The following LMO3 variants were observed in gnomAD, a reference collection of about 807,000 sequenced individuals.
LMO3 encodes LIM domain only 3, also known as LIM domain only protein 3.
LMO3 carries 2 observed loss-of-function variants against 15.8 expected under a neutral mutation model. The observed-to-expected ratio is 0.13, with a 90% CI of 0.05 to 0.40. LMO3 has a LOEUF of 0.40. Among genes scored for constraint, LMO3 ranks in the 10% least tolerant of loss-of-function variants. The probability of loss-of-function intolerance (pLI) is 0.99; values close to 1 mark genes in which losing one functional copy is unlikely to be tolerated. For synonymous variants in LMO3, 62 were observed against 63.8 expected (o/e 0.97, Z 0.13); for missense variants, 86 against 182.2 (o/e 0.47, Z 3.04).
At chr12:16,605,581 T>G (rs1039436399) in intron 1 of LMO3, 1 of 654,222 alleles carries the variant, frequency 1.5e-6, no homozygotes, top group Non-Finnish European at 2.5e-6. Flanking sequence ...GAAGTGGGGG[T>G]TCATGAATTC....
chr12:16,594,323 A>G, intron 2 of LMO3: 1 of 1,396,058 alleles, frequency 7.2e-7, no homozygotes, highest in Non-Finnish European at 9.4e-7. Flanking sequence ...CAATTTTTAT[A>G]AGCCAATTAA....
rs371290090 is a variant in LMO3 at position 16,564,369 on chromosome 12, T to G, written c.207-3831A>C. On this transcript the variant is annotated intron_variant, in intron 2 of 3. Transcript: ENST00000537304. ...GTGCCAGAACATTTTGCATTTTTAC[T>G]AAATGTTCAACAGCTTCGGCAACAT... Among the ~76,000 whole-genome samples the G allele has an allele frequency of 2.8e-4, 42 of 152,334 alleles. No homozygotes were observed. In the East Asian group the frequency reaches 7.3e-3, roughly 27 times the overall value.
chr12:16,595,127 C>T (rs1476523193), intron 2 of LMO3, among the ~76,000 whole-genome samples: 1 of 151,180 alleles, frequency 6.6e-6, no homozygotes, highest in African/African-American at 2.4e-5. Flanking sequence ...TAAAAACTAT[C>T]CTGACTGAAG....
intron 2 of LMO3, among the ~76,000 whole-genome samples, chr12:16,562,970 G>C (rs1057449675): frequency 6.6e-6 from 1 of 152,134 alleles, no homozygotes; most frequent in Admixed American, 6.5e-5. Context: ...ATCATTAAAG[G>C]ACTCTTGAAG....
chr12:16,580,364 C>A (rs1313927884), intron 2 of LMO3, among the ~76,000 whole-genome samples: 3 of 152,140 alleles, frequency 2.0e-5, no homozygotes, highest in Non-Finnish European at 4.4e-5. Flanking sequence ...ATGCAACCAA[C>A]CAAATGAAGT....
chr12:16,578,979 C>T (rs1462414463), intron 2 of LMO3, among the ~76,000 whole-genome samples: 2 of 152,090 alleles, frequency 1.3e-5, no homozygotes, highest in Non-Finnish European at 2.9e-5. Flanking sequence ...AAGTATATTG[C>T]ATTGTTAAGG....
At position 16,591,546 on chromosome 12, in the gene LMO3, T is replaced by G. The variant is rs77233488; in HGVS notation, c.206+9109A>C. ...GGTATTTTTGTGTTTTATTTAGTGC[T>G]TATGTCAAGGCCTTTTACAGTACCT... is the stretch of plus-strand genomic sequence containing the variant. On this transcript the variant is annotated intron_variant, in intron 2 of 3. Coordinates refer to ENST00000537304, the MANE Select transcript of LMO3 (RefSeq NM_018640.5). The surrounding 1 kb of genome is among the most constrained non-coding windows in gnomAD (Gnocchi z 4.1). Among the ~76,000 whole-genome samples, 3 of 152,170 alleles carry G rather than the reference T, an allele frequency of 2.0e-5. No homozygotes were observed. Among genetic ancestry groups the G allele is most frequent in the Non-Finnish European group, 4.4e-5 (3 of 67,986 alleles).
chr12:16,560,372 A>G lies in LMO3; in HGVS notation c.332+41T>C, dbSNP rs756604706. ...TATTAAATAAATAGCCAGCACAGAG[A>G]GGTTAACCATTTCTTAGAGACCAAA... On this transcript the variant is annotated intron_variant, in intron 3 of 3. Coordinates refer to ENST00000537304, the MANE Select transcript of LMO3 (RefSeq NM_018640.5). This position sits in a 1 kb window ranked among gnomAD's most constrained non-coding sequence, Gnocchi z 5.0. The G allele has an allele frequency of 1.3e-6, 2 of 1,591,258 alleles. No homozygotes were observed. The highest frequency in any genetic ancestry group is 2.3e-5 in the South Asian group (2 of 87,238).
chr12:16,595,059 G>GAA (rs2137657434), intron 2 of LMO3, among the ~76,000 whole-genome samples: 1 of 151,582 alleles, frequency 6.6e-6, no homozygotes, highest in African/African-American at 2.4e-5. Context: ...AAATACACTT[G>GAA]TAGAAACAGA....
At chr12:16,573,843 C>CTAGA (rs1159335477) in intron 2 of LMO3, 2 of 152,218 alleles carry the variant, frequency 1.3e-5, no homozygotes, top group Non-Finnish European at 2.9e-5. Context: ...TCAAGCATGA[C>CTAGA]TAGATTGACG....
rs1244694990 is a variant in LMO3 at position 16,596,283 on chromosome 12, T to G, written c.206+4372A>C. Among the ~76,000 whole-genome samples the G allele has an allele frequency of 6.6e-6, 1 of 151,628 alleles. No individual in the cohort carries two copies. Among genetic ancestry groups the G allele is most frequent in the African/African-American group, 2.4e-5 (1 of 41,410 alleles). ...ACTATGGTGAAGCATGAAGCATCAC[T>G]CTTTCCCAGTAGTTTCATTTTAAAC... On this transcript the variant is annotated intron_variant, in intron 2 of 3. Transcript: ENST00000537304. This position sits in a 1 kb window ranked among gnomAD's most constrained non-coding sequence, Gnocchi z 4.3.
intron 1 of LMO3, among the ~76,000 whole-genome samples, chr12:16,601,270 T>TA (rs1352537492): frequency 1.3e-5 from 2 of 152,122 alleles, no homozygotes; most frequent in East Asian, 1.9e-4. Context: ...TCCCTACAAG[T>TA]AAAAAAATGA....
At chr12:16,562,170 A>G (rs999441867) in intron 2 of LMO3, among the ~76,000 whole-genome samples, 6 of 152,150 alleles carry the variant, frequency 3.9e-5, no homozygotes, top group Admixed American at 2.6e-4. Flanking sequence ...CTTTCATCCT[A>G]TTCATTTGTA....
chr12:16,608,256 G>T (rs1160151396), upstream of LMO3: 1 of 152,106 alleles, frequency 6.6e-6, no homozygotes, highest in South Asian at 2.1e-4. This position sits in a 1 kb window ranked among gnomAD's most constrained non-coding sequence, Gnocchi z 4.1. Context: ...TGTGGGGAAA[G>T]GGAGAAATAA....
intron 2 of LMO3, among the ~76,000 whole-genome samples, chr12:16,574,313 A>G (rs912036826): frequency 6.6e-6 from 1 of 152,190 alleles, no homozygotes; most frequent in African/African-American, 2.4e-5. Flanking sequence ...TGTCTGATCA[A>G]CGAAAACGCC....
intron 2 of LMO3, among the ~76,000 whole-genome samples, chr12:16,570,351 A>G (rs746976320): frequency 2.6e-5 from 4 of 152,050 alleles, no homozygotes; most frequent in Non-Finnish European, 5.9e-5. Context: ...TCCATACACT[A>G]TATATAAAAG....
At chr12:16,564,093 G>A (rs1662094100) in intron 2 of LMO3, among the ~76,000 whole-genome samples, 1 of 152,134 alleles carries the variant, frequency 6.6e-6, no homozygotes, top group African/African-American at 2.4e-5. Flanking sequence ...AAATCCCAGA[G>A]ATGTTTCTGT....
rs1446775359 is a variant in LMO3, at chr12:16,587,208, A to C, written c.206+13447T>G. Among the ~76,000 whole-genome samples, 1 of 152,214 alleles carries C rather than the reference A, an allele frequency of 6.6e-6. No homozygotes were observed. Among genetic ancestry groups the C allele is most frequent in the Non-Finnish European group, 1.5e-5 (1 of 68,034 alleles). ...TTCATAAGCTACACACACGAAAATG[A>C]AATGAACAAAGTGATTCAGATTAAA... On this transcript the variant is annotated intron_variant, in intron 2 of 3. Transcript: ENST00000537304. The surrounding 1 kb of genome is among the most constrained non-coding windows in gnomAD (Gnocchi z 4.3).
chr12:16,592,900 A>C (rs1255040819), intron 2 of LMO3, among the ~76,000 whole-genome samples: 1 of 152,026 alleles, frequency 6.6e-6, no homozygotes, highest in East Asian at 1.9e-4. Context: ...TCTCTGTTAG[A>C]ACTGCTAAAA....
Sources: allele counts gnomAD v4.1 joint callset (sites outside exome capture counted in the v4.1 genomes callset), GRCh38; gene constraint gnomAD v4.1.1; non-coding constraint Gnocchi (gnomAD v3.1); transcripts MANE v1.5; gene names NCBI Gene and HGNC (gene_info 2026-07-23, HGNC 2026-07-21).